DMD: variants seen among roughly 807,000 people sequenced by gnomAD.
DMD encodes the protein dystrophin.
In DMD, 63 loss-of-function variants were observed where a neutral mutation model predicts 330.1. That is an observed-to-expected ratio of 0.19 (90% CI 0.16 to 0.24). The LOEUF (loss-of-function observed/expected upper bound fraction) is 0.24. Ranked by LOEUF, DMD falls within the 10% of genes least tolerant of loss-of-function variation. The pLI, the probability that DMD is intolerant of heterozygous loss-of-function variation, is 1.00. For synonymous variants in DMD, 1,223 were observed against 959.8 expected, an observed-to-expected ratio of 1.27 and a Z score of -5.07; for missense variants, 3,344 against 2,684.1, an observed-to-expected ratio of 1.25 and a Z score of -5.43.
chrX:33,204,518 T>G (rs2148840052), intron 1 of DMD, among the ~76,000 whole-genome samples: 1 of 111,682 alleles, frequency 9.0e-6, no homozygotes, highest in African/African-American at 3.2e-5. Context: ...AAGACTGGTC[T>G]AACTCTCCCT....
chrX:32,459,170 C>G (rs1260842149), intron 25 of DMD, among the ~76,000 whole-genome samples: 2 of 109,616 alleles, frequency 1.8e-5, no homozygotes, highest in Non-Finnish European at 3.8e-5. Flanking sequence ...TATCACAAAA[C>G]AAAAAAAATA....
At chrX:32,856,641 AATG>A (rs1185169812) in intron 2 of DMD, among the ~76,000 whole-genome samples, 2 of 111,954 alleles carry the variant, frequency 1.8e-5, no homozygotes, top group African/African-American at 6.5e-5. Flanking sequence ...CAGAGAGTAG[AATG>A]ATGTTTACCA....
intron 2 of DMD, among the ~76,000 whole-genome samples, chrX:32,948,723 T>G (rs2090989334): frequency 8.9e-6 from 1 of 111,907 alleles, no homozygotes; most frequent in Non-Finnish European, 1.9e-5. Flanking sequence ...TTTCATAATA[T>G]TTAGTTGATA....
chrX:33,092,486 T>A (rs1201728753), intron 1 of DMD, among the ~76,000 whole-genome samples: 1 of 111,601 alleles, frequency 9.0e-6, no homozygotes, highest in African/African-American at 3.3e-5. Context: ...TACAAAAAAA[T>A]TCCCTTTTCC....
intron 7 of DMD, among the ~76,000 whole-genome samples, chrX:32,769,095 C>T (rs2073321133): frequency 1.8e-5 from 2 of 112,011 alleles, no homozygotes; most frequent in Non-Finnish European, 3.8e-5. Context: ...GAAGGTAGAG[C>T]CACAACAAAG....
intron 77 of DMD, among the ~76,000 whole-genome samples, chrX:31,133,626 A>C (rs1484112762): frequency 8.9e-6 from 1 of 112,226 alleles, no homozygotes; most frequent in African/African-American, 3.2e-5. Flanking sequence ...ATGATGGAGT[A>C]AGATACAATT....
chrX:33,159,532 G>A (rs1267524153), intron 1 of DMD: 2 of 111,737 alleles, frequency 1.8e-5, no homozygotes, highest in East Asian at 2.8e-4. Flanking sequence ...GAGAACATGC[G>A]GTGTTTGTTT....
At chrX:32,879,166 A>C (rs1428412565) in intron 2 of DMD, among the ~76,000 whole-genome samples, 1 of 111,432 alleles carries the variant, frequency 9.0e-6, no homozygotes, top group Non-Finnish European at 1.9e-5. Context: ...TCTCACAGCC[A>C]GAAGGAAAAC....
At chrX:31,823,607 G>A (rs781037055) in intron 49 of DMD, among the ~76,000 whole-genome samples, 64 of 110,479 alleles carry the variant, frequency 5.8e-4, no homozygotes, top group African/African-American at 2.1e-3. Flanking sequence ...TTGAGACAGG[G>A]TCTCACTCTG....
intron 2 of DMD, among the ~76,000 whole-genome samples, chrX:32,962,864 C>G (rs929237690): frequency 1.8e-5 from 2 of 111,043 alleles, no homozygotes; most frequent in Non-Finnish European, 3.8e-5. Context: ...TGAATTTGAA[C>G]CAATGAAGCT....
chrX:32,639,484 T>A (rs2059311051), intron 11 of DMD, among the ~76,000 whole-genome samples: 1 of 112,662 alleles, frequency 8.9e-6, no homozygotes, highest in Non-Finnish European at 1.9e-5. Context: ...CTTAGTTTTC[T>A]CATTTAAATC....
chrX:31,334,122 C>T (rs758599771), intron 61 of DMD, among the ~76,000 whole-genome samples: 6 of 111,795 alleles, frequency 5.4e-5, no homozygotes, highest in African/African-American at 1.3e-4. Context: ...TCAGTAGAGA[C>T]GGGGTTTCAC....
chrX:32,878,575 G>A (rs2083576766), intron 2 of DMD, among the ~76,000 whole-genome samples: 1 of 111,118 alleles, frequency 9.0e-6, no homozygotes, highest in Non-Finnish European at 1.9e-5. Context: ...TACAGTATCT[G>A]TATTACTTTA....
intron 44 of DMD, among the ~76,000 whole-genome samples, chrX:32,095,277 G>T (rs187273838): frequency 2.7e-5 from 3 of 111,953 alleles, no homozygotes; most frequent in Non-Finnish European, 5.6e-5. Flanking sequence ...TGAAAATGAC[G>T]TGAGTGAGAG....
At chrX:32,467,768 C>A (rs2040195351) in intron 23 of DMD, among the ~76,000 whole-genome samples, 1 of 108,837 alleles carries the variant, frequency 9.2e-6, no homozygotes, top group Admixed American at 1.0e-4. Context: ...CACAGTTCTG[C>A]TAACACCTTA....
rs1425856116 is a variant in DMD, at chrX:31,658,124, G to A, written c.7893C>T (p.Arg2631=). 1 of 1,211,585 alleles carries A rather than the reference G, an allele frequency of 8.3e-7. No individual in the cohort carries two copies. The highest frequency in any genetic ancestry group is 2.2e-5 in the Admixed American group (1 of 46,025). ...CCACATCTACATTTGTCTGCCACTG[G>A]CGGAGGTCTTTGGCCAACTGCTATA... is the stretch of plus-strand genomic sequence containing the variant. ...TETKQLAKDL[R]QWQTNVDVAN... The change falls in exon 54 of 79, where the codon CGC becomes CGT. Residue 2631 remains arginine, a synonymous_variant. Transcript: ENST00000357033.
chrX:33,106,052 C>CA (rs1473650349), intron 1 of DMD, among the ~76,000 whole-genome samples: 3 of 18,464 alleles, frequency 1.6e-4, no homozygotes, highest in Non-Finnish European at 2.0e-4. Context: ...GAGATACACA[C>CA]ACCACACACA....
At chrX:31,728,456 C>A (rs1162053300) in intron 52 of DMD, among the ~76,000 whole-genome samples, 1 of 112,321 alleles carries the variant, frequency 8.9e-6, no homozygotes, top group Admixed American at 9.4e-5. Flanking sequence ...CACACACCAT[C>A]TAATGCTTAT....
chrX:33,076,533 G>A (rs769412669), intron 1 of DMD, among the ~76,000 whole-genome samples: 1 of 111,179 alleles, frequency 9.0e-6, no homozygotes, highest in African/African-American at 3.3e-5. Context: ...GCAGGTTTGT[G>A]GGATATGGGA....
Sources: allele counts gnomAD v4.1 joint callset (sites outside exome capture counted in the v4.1 genomes callset), GRCh38; gene constraint gnomAD v4.1.1; transcripts MANE v1.5; gene names NCBI Gene and HGNC (gene_info 2026-07-23, HGNC 2026-07-21).